FGF1: variants seen among roughly 807,000 people sequenced by gnomAD.
FGF1 encodes the protein beta-endothelial cell growth factor.
Under a neutral mutation model 13.4 loss-of-function variants are expected in FGF1, and 9 were observed. That is an observed-to-expected ratio of 0.67 (90% CI 0.40 to 1.17). The LOEUF is 1.17. Ranked by LOEUF, FGF1 falls within the 50% of genes most tolerant of loss-of-function variation. FGF1 has a pLI of 0.01. For synonymous variants in FGF1, 93 were observed against 79.0 expected (o/e 1.18, Z -0.94); for missense variants, 156 against 192.7 (o/e 0.81, Z 1.13).
chr5:142,627,141 C>A (rs1296368110), intron 1 of FGF1: 1 of 152,168 alleles, frequency 6.6e-6, no homozygotes, highest in African/African-American at 2.4e-5. Flanking sequence ...ACTTTGATAG[C>A]AGTTGGGGTT....
intron 2 of FGF1, among the ~76,000 whole-genome samples, chr5:142,602,598 G>A (rs1038251698): frequency 7.7e-4 from 117 of 152,280 alleles, no homozygotes; most frequent in African/African-American, 2.6e-3. Context: ...CAGAAACAAG[G>A]AAACCCCTCC....
Position 142,631,004 on chromosome 5 carries a change from G to A in FGF1, c.-34-16843C>T, listed in dbSNP as rs146082369. ...GCCATGTTTATTCAACACCTTCTGCGCAGCCCTCAAACGATGGCCAGCACA... is the reference window on the plus strand; with the variant it reads ...GCCATGTTTATTCAACACCTTCTGCACAGCCCTCAAACGATGGCCAGCACA... On this transcript the variant is annotated intron_variant, in intron 1 of 3. Transcript: ENST00000337706. Among the ~76,000 whole-genome samples, 784 of 152,250 alleles carry A rather than the reference G, an allele frequency of 5.1e-3. 6 individuals are homozygous for A. The highest frequency in any genetic ancestry group is 0.018 in the African/African-American group (747 of 41,542).
upstream of FGF1, among the ~76,000 whole-genome samples, chr5:142,688,511 C>A (rs988549036): frequency 6.6e-6 from 1 of 152,120 alleles, no homozygotes; most frequent in Non-Finnish European, 1.5e-5. Context: ...AAATAATAGC[C>A]GTCGAAGCTG....
chr5:142,594,771 G>T lies in FGF1; in HGVS notation c.*519C>A, dbSNP rs1274728153. 6.6e-6 allele frequency: 1 copy of T among 152,480 alleles called. No individual in the cohort carries two copies. The highest frequency in any genetic ancestry group is 1.5e-5 in the Non-Finnish European group (1 of 68,324). 9.4% of individuals were successfully genotyped at this position (152,480 alleles called of 1,614,324 possible). On this transcript the variant is annotated 3_prime_UTR_variant, in exon 4 of 4. Transcript: ENST00000337706. The stretch of plus-strand genomic sequence containing the variant: ...TCTCTTTTCCATTTTAAATGCCTCT[G>T]TTCTGAAGGGGGGATTTCTTTGTCC...
intron 1 of FGF1, among the ~76,000 whole-genome samples, chr5:142,683,066 T>C (rs1382726203): frequency 1.3e-5 from 2 of 152,202 alleles, no homozygotes; most frequent in African/African-American, 4.8e-5. Context: ...AGTGAACCCT[T>C]TCTTCAGAAA....
intron 1 of FGF1, among the ~76,000 whole-genome samples, chr5:142,648,727 G>A (rs1027893030): frequency 6.9e-6 from 1 of 144,876 alleles, no homozygotes; most frequent in Non-Finnish European, 1.5e-5. Flanking sequence ...CAAGTGTCTT[G>A]AGGAGGAATG....
intron 1 of FGF1, among the ~76,000 whole-genome samples, chr5:142,668,173 C>T (rs959188133): frequency 6.6e-6 from 1 of 152,260 alleles, no homozygotes; most frequent in Non-Finnish European, 1.5e-5. Flanking sequence ...TAGCTGGGTG[C>T]AAGGAAAGTT....
chr5:142,683,038 C>T (rs1050335619), intron 1 of FGF1, among the ~76,000 whole-genome samples: 43 of 152,204 alleles, frequency 2.8e-4, no homozygotes, highest in African/African-American at 9.4e-4. Flanking sequence ...CTTGCTGGTA[C>T]TTGAACATTT....
At chr5:142,605,666 A>C (rs1453011096) in intron 2 of FGF1, among the ~76,000 whole-genome samples, 1 of 152,296 alleles carries the variant, frequency 6.6e-6, no homozygotes, top group Non-Finnish European at 1.5e-5. Flanking sequence ...AGTTCGTCTC[A>C]AAAGTTTCCT....
intron 3 of FGF1, 39 bp downstream of exon 3, chr5:142,600,663 C>T (rs779728952): frequency 1.4e-6 from 2 of 1,425,814 alleles, no homozygotes; most frequent in Non-Finnish European, 2.0e-6. Context: ...AAACCTCAAA[C>T]CTTGGCCACG....
At chr5:142,595,519 C>T (rs373357267) in intron 3 of FGF1, 35 bp from the exon 4 acceptor site, 181 of 1,574,524 alleles carry the variant, frequency 1.1e-4, no homozygotes, top group South Asian at 2.3e-5. Context: ...GTAGGACAAT[C>T]AGTGAGTAGT....
chr5:142,669,604 G>C (rs1405382651), intron 1 of FGF1, among the ~76,000 whole-genome samples: 8 of 151,882 alleles, frequency 5.3e-5, no homozygotes, highest in Non-Finnish European at 8.8e-5. Flanking sequence ...TTTACTGAGA[G>C]AATGGACGCA....
chr5:142,665,791 T>C (rs1770192818), intron 1 of FGF1, among the ~76,000 whole-genome samples: 1 of 152,216 alleles, frequency 6.6e-6, no homozygotes, highest in African/African-American at 2.4e-5. Context: ...GGTACGTAGC[T>C]CTCCTCTTCA....
At chr5:142,648,959 G>A (rs1766703506) in intron 1 of FGF1, among the ~76,000 whole-genome samples, 1 of 152,198 alleles carries the variant, frequency 6.6e-6, no homozygotes, top group African/African-American at 2.4e-5. Flanking sequence ...GAAAACAATA[G>A]CAGGACGGCC....
At chr5:142,602,938 A>G (rs76583682) in intron 2 of FGF1, among the ~76,000 whole-genome samples, 2,272 of 152,182 alleles carry the variant, frequency 0.015, 46 homozygotes, top group African/African-American at 0.045. Flanking sequence ...ACCTTTACCT[A>G]AGATGCAATT....
chr5:142,666,095 C>G lies in FGF1; in HGVS notation c.-35+19862G>C, dbSNP rs1165209309. Reference sequence around the variant, plus strand: ...CAGTGGAATTGCATCATAACACAAGCTACTCTAGTATGGCACTTGCTGAAA... The same window carrying G: ...CAGTGGAATTGCATCATAACACAAGGTACTCTAGTATGGCACTTGCTGAAA... On this transcript the variant is annotated intron_variant, in intron 1 of 3. Transcript: ENST00000337706. 3.1e-4 allele frequency among the ~76,000 whole-genome samples: 39 copies of G among 127,456 alleles called. No homozygotes were observed. In the Admixed American group the frequency reaches 3.4e-3, roughly 11 times the overall value. 83.6% of individuals were successfully genotyped at this position (127,456 alleles called of 152,430 possible). A position where few individuals can be genotyped will look rare whatever the true frequency, so the allele number is the denominator to read the frequency against.
chr5:142,665,273 C>A (rs983201578), intron 1 of FGF1, among the ~76,000 whole-genome samples: 2 of 152,054 alleles, frequency 1.3e-5, no homozygotes, highest in African/African-American at 4.8e-5. Flanking sequence ...TCACCTCACA[C>A]CCCTCACCCC....
At chr5:142,652,482 C>T (rs1173266952) in intron 1 of FGF1, among the ~76,000 whole-genome samples, 1 of 152,174 alleles carries the variant, frequency 6.6e-6, no homozygotes, top group African/African-American at 2.4e-5. Context: ...TAGGCCCTTC[C>T]TGTGTAGGTC....
Position 142,633,171 on chromosome 5 carries a change from G to A in FGF1, c.-34-19010C>T, listed in dbSNP as rs564734926. ...CTTGACCTCGTGATCCACCTGCTTC[G>A]GCCTCCCAAAGTACTGGGATAGGTT... On this transcript the variant is annotated intron_variant, in intron 1 of 3. Coordinates refer to ENST00000337706, the MANE Select transcript of FGF1 (RefSeq NM_000800.5). Among the ~76,000 whole-genome samples the A allele has an allele frequency of 3.6e-4, 54 of 152,094 alleles. No individual in the cohort carries two copies. In the South Asian group the frequency reaches 0.01, roughly 29 times the overall value.
Sources: gnomAD v4.1 joint callset for allele counts (sites outside exome capture counted in the v4.1 genomes callset) on GRCh38, gnomAD v4.1.1 for gene constraint, MANE v1.5 for transcripts, NCBI Gene and HGNC (gene_info 2026-07-23, HGNC 2026-07-21) for gene names.